The following ELOVL5 variants were observed in gnomAD, a reference collection of about 807,000 sequenced individuals.
ELOVL5 encodes the protein very long chain fatty acid elongase 5.
ELOVL5 carries 8 observed loss-of-function variants against 38.6 expected under a neutral mutation model. That is an observed-to-expected ratio of 0.21 (90% CI 0.12 to 0.37). ELOVL5 has a LOEUF of 0.37. ELOVL5 is among the 10% of genes least tolerant of loss of function. ELOVL5 has a pLI of 1.00. For missense variants in ELOVL5, 280 were observed against 367.8 expected, an observed-to-expected ratio of 0.76 and a Z score of 1.95; for synonymous variants, 127 against 133.7, an observed-to-expected ratio of 0.95 and a Z score of 0.34.
At chr6:53,296,008 A>C (rs1234109811) in intron 1 of ELOVL5, among the ~76,000 whole-genome samples, 1 of 152,146 alleles carries the variant, frequency 6.6e-6, no homozygotes, top group Non-Finnish European at 1.5e-5. Flanking sequence ...TGGGGAAAAA[A>C]GTGGAACTAA....
At position 53,267,858 on chromosome 6, in the gene ELOVL5, T is replaced by C. The variant is rs1765793207; in HGVS notation, c.*1269A>G. ...CGACACTTTAAAATGACACACATCA[T>C]AGGCTTTACCTGTTTGACCACTGCC... On this transcript the variant is annotated 3_prime_UTR_variant, in exon 8 of 8. Coordinates refer to ENST00000304434, the MANE Select transcript of ELOVL5 (RefSeq NM_021814.5). 1 of 152,362 alleles carries C rather than the reference T, an allele frequency of 6.6e-6. No homozygotes were observed. Among genetic ancestry groups the C allele is most frequent in the African/African-American group, 2.4e-5 (1 of 41,466 alleles). The allele number at this position is 152,362 out of a possible 1,614,324, so 9.4% of individuals were successfully genotyped here.
chr6:53,280,167 G>A (rs1766297935), intron 3 of ELOVL5, among the ~76,000 whole-genome samples: 1 of 152,222 alleles, frequency 6.6e-6, no homozygotes, highest in African/African-American at 2.4e-5. Flanking sequence ...TGGAGAAGGT[G>A]AAGTACTGAA....
rs140463750 is a variant in ELOVL5, at chr6:53,315,790, C to G, written c.-8-20083G>C. On this transcript the variant is annotated intron_variant, in intron 1 of 7. Transcript: ENST00000304434. ...TCCCCAAGTTAAAAACCCTAGCTGTCAGTGGAGGACAGATCTCCAGACCAG... is the reference window on the plus strand; with the variant it reads ...TCCCCAAGTTAAAAACCCTAGCTGTGAGTGGAGGACAGATCTCCAGACCAG... Among the ~76,000 whole-genome samples the G allele has an allele frequency of 4.6e-5, 7 of 152,330 alleles. No homozygotes were observed. The East Asian group carries it at 1.3e-3, about 29-fold the overall frequency.
In ELOVL5 at chr6:53,275,197, A is replaced by C. The variant is rs897708599; in HGVS notation, c.389T>G (p.Phe130Cys). 1 of 1,614,068 alleles carries C rather than the reference A, an allele frequency of 6.2e-7. No individual in the cohort carries two copies. Among genetic ancestry groups the C allele is most frequent in the African/African-American group, 1.3e-5 (1 of 74,938 alleles). ...KLIEFMDTFF[F>C]ILRKNNHQIT... ...CTGGTGGTTGTTCTTGCGCAGGATG[A>C]AGAAGAAAGTGTCCATAAATTCTAT... The change falls in exon 5 of 8, where the codon TTC becomes TGC. Residue 130 changes from phenylalanine to cysteine, a missense_variant. Physicochemically the swap from Phe to Cys is radical, Grantham distance 205. Around this residue, in one of 3 missense-constraint regions of ELOVL5, gnomAD observed 150 missense variants for 178.0 expected, o/e 0.84. Transcript: ENST00000304434.
chr6:53,270,223 G>A (rs1765871108), intron 7 of ELOVL5, among the ~76,000 whole-genome samples: 1 of 152,212 alleles, frequency 6.6e-6, no homozygotes, highest in African/African-American at 2.4e-5. Flanking sequence ...TGAGGACTGT[G>A]ATAAAAATCT....
chr6:53,306,096 C>G (rs1193819631), intron 1 of ELOVL5, among the ~76,000 whole-genome samples: 2 of 150,222 alleles, frequency 1.3e-5, no homozygotes, highest in East Asian at 2.0e-4. Flanking sequence ...TGCAGGCACT[C>G]GGCAGGCGGA....
At chr6:53,325,664 C>G (rs1768512149) in intron 1 of ELOVL5, among the ~76,000 whole-genome samples, 1 of 152,170 alleles carries the variant, frequency 6.6e-6, no homozygotes, top group Non-Finnish European at 1.5e-5. Context: ...GGGACTTCCA[C>G]TGTCACTTAA....
Position 53,348,878 on chromosome 6 carries a change from CGCGGGTGGCAGCCGGCGCAGAG to C in ELOVL5, c.-92_-71del, listed in dbSNP as rs948389328. On this transcript the variant is annotated 5_prime_UTR_variant, in exon 1 of 8. Coordinates refer to ENST00000304434, the MANE Select transcript of ELOVL5 (RefSeq NM_021814.5). ...AGCAAGGCGGCGGCGGCGGAGGGAG[CGCGGGTGGCAGCCGGCGCAGAG>C]GCGGATGTAGAAGGAGACACCGGTG... 12 of 455,382 alleles carry C rather than the reference CGCGGGTGGCAGCCGGCGCAGAG, an allele frequency of 2.6e-5. No homozygotes were observed. Among genetic ancestry groups the C allele is most frequent in the Admixed American group, 1.4e-4 (6 of 42,714 alleles). 28.2% of individuals were successfully genotyped at this position (455,382 alleles called of 1,614,324 possible).
chr6:53,318,138 T>C (rs1768134104), intron 1 of ELOVL5, among the ~76,000 whole-genome samples: 1 of 152,214 alleles, frequency 6.6e-6, no homozygotes, highest in Admixed American at 6.5e-5. Context: ...AACCACTACA[T>C]TCTACTGCCT....
intron 2 of ELOVL5, chr6:53,294,058 A>G (rs1766881214): frequency 4.6e-6 from 6 of 1,296,452 alleles, no homozygotes; most frequent in Non-Finnish European, 6.0e-6. Context: ...CATATATATC[A>G]CAAACAATAA....
intron 3 of ELOVL5, among the ~76,000 whole-genome samples, chr6:53,279,491 G>A (rs553114533): frequency 2.0e-5 from 3 of 152,134 alleles, no homozygotes; most frequent in South Asian, 2.1e-4. Flanking sequence ...GTAAGATTTC[G>A]AAGGGTGGTG....
In ELOVL5 at chr6:53,273,222, G is replaced by A. The variant is rs1342658351; in HGVS notation, c.619C>T (p.Leu207=). The change falls in exon 6 of 8, where the codon CTG becomes TTG. Residue 207 remains leucine (L), a splice_region_variant and synonymous_variant. Transcript: ENST00000304434. ...GGGAAAGAGGCCAAGTCACTCACCA[G>A]CTGCCCCTGAGTGATGTACTTCTTC... is the stretch of plus-strand genomic sequence containing the variant. ...WWKKYITQGQ[L]LQFVLTIIQT... is the part of the protein sequence containing the mutation. 6.2e-7 allele frequency: 1 copy of A among 1,613,566 alleles called. No homozygotes were observed. The highest frequency in any genetic ancestry group is 2.2e-5 in the East Asian group (1 of 44,866).
chr6:53,292,147 A>T (rs991154286), intron 2 of ELOVL5, among the ~76,000 whole-genome samples, 184 bp from the exon 3 acceptor site: 2 of 152,204 alleles, frequency 1.3e-5, no homozygotes, highest in African/African-American at 4.8e-5. Context: ...GCTCCTTGTT[A>T]CATGCTCTGA....
chr6:53,348,296 C>A (rs542440145), intron 1 of ELOVL5, among the ~76,000 whole-genome samples: 97 of 152,256 alleles, frequency 6.4e-4, no homozygotes, highest in African/African-American at 2.3e-3. Context: ...GCCGGAGAGT[C>A]CCCCCAGCGG....
chr6:53,280,010 C>A (rs1398356561), intron 3 of ELOVL5, among the ~76,000 whole-genome samples: 1 of 152,228 alleles, frequency 6.6e-6, no homozygotes, highest in South Asian at 2.1e-4. Context: ...TCACAGGAGA[C>A]AATCCTCAAG....
intron 1 of ELOVL5, among the ~76,000 whole-genome samples, chr6:53,344,452 C>T (rs1304618935): frequency 6.6e-6 from 1 of 152,182 alleles, no homozygotes; most frequent in Non-Finnish European, 1.5e-5. Context: ...CTTTCTGGAG[C>T]ACAGCACTCA....
chr6:53,307,545 G>C (rs1371232226), intron 1 of ELOVL5, among the ~76,000 whole-genome samples: 1 of 152,198 alleles, frequency 6.6e-6, no homozygotes, highest in Non-Finnish European at 1.5e-5. Flanking sequence ...CAATGTTTAT[G>C]GAAGAGTTTT....
intron 3 of ELOVL5, among the ~76,000 whole-genome samples, chr6:53,285,943 T>A (rs943077517): frequency 6.6e-6 from 1 of 152,190 alleles, no homozygotes; most frequent in African/African-American, 2.4e-5. Context: ...TGTTTTTTTT[T>A]AAGATTTAAT....
intron 1 of ELOVL5, among the ~76,000 whole-genome samples, chr6:53,296,912 G>A (rs952742539): frequency 2.6e-5 from 4 of 152,190 alleles, no homozygotes; most frequent in African/African-American, 9.7e-5. Context: ...ACACTGAAGC[G>A]TTATGTATTC....
Sources: allele counts gnomAD v4.1 joint callset (sites outside exome capture counted in the v4.1 genomes callset), GRCh38; gene constraint gnomAD v4.1.1; regional missense constraint gnomAD v4.1.1; transcripts MANE v1.5; gene names NCBI Gene and HGNC (gene_info 2026-07-23, HGNC 2026-07-21).